The following FARS2 variants were observed in gnomAD, a reference collection of about 807,000 sequenced individuals.
FARS2 encodes phenylalanine--tRNA ligase, mitochondrial.
A neutral mutation model predicts 46.4 loss-of-function variants in FARS2; 40 were observed. That is an observed-to-expected ratio of 0.86 (90% CI 0.67 to 1.12). FARS2 has a LOEUF of 1.12. FARS2 is among the 50% of genes most tolerant of loss of function. The pLI, the probability that FARS2 is intolerant of heterozygous loss-of-function variation, is 0.00. For missense variants in FARS2, 513 were observed against 567.9 expected (o/e 0.90, Z 0.98); for synonymous variants, 234 against 214.9 (o/e 1.09, Z -0.78).
rs1242554853 is a variant in FARS2, at chr6:5,648,922, AG to A, written c.1217+35603del. On this transcript the variant is annotated intron_variant, in intron 6 of 6. Coordinates refer to ENST00000274680, the MANE Select transcript of FARS2 (RefSeq NM_006567.5). ...AATGCCTGGCACTTAGTAGGCGCTC[AG>A]TAAATAGTTGTTGAATGAATGAATA... 2.6e-5 allele frequency among the ~76,000 whole-genome samples: 4 copies of A among 152,322 alleles called. No homozygotes were observed. In the East Asian group the frequency reaches 7.7e-4, roughly 29 times the overall value.
chr6:5,562,697 C>A (rs867314258), intron 5 of FARS2, among the ~76,000 whole-genome samples: 1 of 123,350 alleles, frequency 8.1e-6, no homozygotes, highest in Admixed American at 7.4e-5. Context: ...GTAATTTATA[C>A]ACACACACAC....
intron 6 of FARS2, among the ~76,000 whole-genome samples, chr6:5,663,861 A>T (rs1777969224): frequency 6.6e-6 from 1 of 152,196 alleles, no homozygotes; most frequent in South Asian, 2.1e-4. Flanking sequence ...TCCAGGGAAG[A>T]TGTACTCAGC....
intron 4 of FARS2, among the ~76,000 whole-genome samples, chr6:5,474,933 C>T (rs887348013): frequency 4.6e-5 from 7 of 152,178 alleles, no homozygotes; most frequent in Non-Finnish European, 8.8e-5. Flanking sequence ...ACTGGGATTA[C>T]AGGCATGAGC....
the FARS2 span, among the ~76,000 whole-genome samples, chr6:5,254,173 C>T: frequency 6.6e-6 from 1 of 152,234 alleles, no homozygotes; most frequent in Non-Finnish European, 1.5e-5. Context: ...AACGGCCCAA[C>T]TGTCTCCATA....
At chr6:5,539,701 A>G (rs1770494565) in intron 4 of FARS2, among the ~76,000 whole-genome samples, 1 of 152,058 alleles carries the variant, frequency 6.6e-6, no homozygotes, top group Non-Finnish European at 1.5e-5. Flanking sequence ...AATGACTTTA[A>G]TTTTAAGACT....
chr6:5,262,185 C>T (rs1403491315), intron 1 of FARS2, among the ~76,000 whole-genome samples: 1 of 152,232 alleles, frequency 6.6e-6, no homozygotes, highest in African/African-American at 2.4e-5. Flanking sequence ...CACTTGGTCA[C>T]GGTTGTGTTC....
chr6:5,484,829 T>G (rs911155359), intron 4 of FARS2, among the ~76,000 whole-genome samples: 21 of 152,168 alleles, frequency 1.4e-4, no homozygotes, highest in Non-Finnish European at 1.2e-4. Context: ...GAGAATGGTA[T>G]CCTTAGTGCG....
intron 4 of FARS2, among the ~76,000 whole-genome samples, chr6:5,448,117 CAGTG>C (rs1294603871): frequency 6.6e-6 from 1 of 152,010 alleles, no homozygotes; most frequent in Non-Finnish European, 1.5e-5. Flanking sequence ...GCCTAGGGGA[CAGTG>C]AGAGTGCTGG....
At chr6:5,267,974 T>C (rs912191743) in intron 1 of FARS2, among the ~76,000 whole-genome samples, 1 of 152,012 alleles carries the variant, frequency 6.6e-6, no homozygotes, top group African/African-American at 2.4e-5. Context: ...CATTTTTTCA[T>C]GTGTTTTTTG....
At chr6:5,506,989 A>T (rs1768140563) in intron 4 of FARS2, among the ~76,000 whole-genome samples, 1 of 152,156 alleles carries the variant, frequency 6.6e-6, no homozygotes, top group African/African-American at 2.4e-5. Flanking sequence ...ACATAGGATG[A>T]CTTTTTCCAG....
intron 5 of FARS2, among the ~76,000 whole-genome samples, chr6:5,569,505 G>A (rs116819460): frequency 0.022 from 3,286 of 152,246 alleles, 115 homozygotes; most frequent in African/African-American, 0.073. Context: ...GATTACAGGC[G>A]TGAGCCACCG....
At chr6:5,593,869 T>A (rs1182928513) in intron 5 of FARS2, among the ~76,000 whole-genome samples, 2 of 152,160 alleles carry the variant, frequency 1.3e-5, no homozygotes, top group African/African-American at 4.8e-5. Context: ...ATTGCTATTG[T>A]TCAAACACAA....
chr6:5,728,567 T>G (rs1760420128), intron 6 of FARS2, among the ~76,000 whole-genome samples: 1 of 152,126 alleles, frequency 6.6e-6, no homozygotes, highest in African/African-American at 2.4e-5. Context: ...CTGCCTGCAG[T>G]AAGTGACAGG....
intron 1 of FARS2, among the ~76,000 whole-genome samples, chr6:5,327,070 C>T (rs1215616030): frequency 2.0e-5 from 3 of 152,126 alleles, no homozygotes; most frequent in Admixed American, 6.5e-5. Flanking sequence ...GCTCCTTAGG[C>T]GTGATTCCTT....
chr6:5,285,348 G>C (rs530078884), intron 1 of FARS2, among the ~76,000 whole-genome samples: 1 of 152,170 alleles, frequency 6.6e-6, no homozygotes, highest in African/African-American at 2.4e-5. Context: ...GACTGATGGG[G>C]GAACACCAGC....
intron 1 of FARS2, among the ~76,000 whole-genome samples, chr6:5,315,272 C>T (rs1324508027): frequency 6.6e-6 from 1 of 152,168 alleles, no homozygotes; most frequent in Non-Finnish European, 1.5e-5. Context: ...GCTAAAATGT[C>T]AGAGAAAGGG....
At chr6:5,650,787 A>G (rs1025075463) in intron 6 of FARS2, among the ~76,000 whole-genome samples, 5 of 152,196 alleles carry the variant, frequency 3.3e-5, no homozygotes, top group Admixed American at 2.0e-4. Context: ...AAAGTGGGAC[A>G]CATTTCCAAT....
chr6:5,324,723 T>C (rs1770236115), intron 1 of FARS2, among the ~76,000 whole-genome samples: 1 of 151,924 alleles, frequency 6.6e-6, no homozygotes, highest in Non-Finnish European at 1.5e-5. Context: ...TACCACAACT[T>C]GATGAAATGA....
intron 6 of FARS2, among the ~76,000 whole-genome samples, chr6:5,677,292 T>TA (rs1778815309): frequency 6.6e-6 from 1 of 152,114 alleles, no homozygotes; most frequent in Non-Finnish European, 1.5e-5. Context: ...GTAAAGTAGG[T>TA]AAGGTTTGTG....
Sources: gnomAD v4.1 joint callset for allele counts (sites outside exome capture counted in the v4.1 genomes callset) on GRCh38, gnomAD v4.1.1 for gene constraint, MANE v1.5 for transcripts, NCBI Gene and HGNC (gene_info 2026-07-23, HGNC 2026-07-21) for gene names.